CHODL: variants seen among roughly 807,000 people sequenced by gnomAD.
CHODL encodes the protein chondrolectin.
A neutral mutation model predicts 34.5 loss-of-function variants in CHODL; 29 were observed. The observed-to-expected ratio is 0.84, with a 90% CI of 0.63 to 1.15. The LOEUF (loss-of-function observed/expected upper bound fraction) is 1.15. Ranked by LOEUF, CHODL falls within the 50% of genes most tolerant of loss-of-function variation. The pLI, the probability that CHODL is intolerant of heterozygous loss-of-function variation, is 0.00. For missense variants in CHODL, 332 were observed against 332.5 expected (o/e 1.00, Z 0.01); for synonymous variants, 125 against 116.1 (o/e 1.08, Z -0.49).
At chr21:18,001,101 A>G (rs1482760486) in intron 1 of CHODL, among the ~76,000 whole-genome samples, 2 of 152,214 alleles carry the variant, frequency 1.3e-5, no homozygotes, top group Admixed American at 6.5e-5. Flanking sequence ...AACACTGGGC[A>G]TGGGCCATCC....
intron 1 of CHODL, among the ~76,000 whole-genome samples, chr21:17,937,886 C>A (rs1392708537): frequency 1.3e-5 from 2 of 151,812 alleles, no homozygotes; most frequent in African/African-American, 4.8e-5. Flanking sequence ...TGTTAAGGGC[C>A]AAGGATACAA....
chr21:18,245,376 C>T, intron 1 of CHODL, 74 bp downstream of exon 1: 1 of 1,281,406 alleles, frequency 7.8e-7, no homozygotes, highest in Non-Finnish European at 1.0e-6. Context: ...AGCCTGTTCT[C>T]GGGCGGAGGC....
At chr21:18,007,787 G>A (rs2063974399) in intron 1 of CHODL, among the ~76,000 whole-genome samples, 1 of 152,230 alleles carries the variant, frequency 6.6e-6, no homozygotes, top group South Asian at 2.1e-4. Flanking sequence ...AGCAAACATA[G>A]GACTGAACTA....
chr21:18,192,790 C>A (rs2073526256), intron 2 of CHODL, among the ~76,000 whole-genome samples: 2 of 152,102 alleles, frequency 1.3e-5, no homozygotes, highest in South Asian at 4.1e-4. Flanking sequence ...TAAATCTACT[C>A]ACTTCATCTT....
intron 2 of CHODL, among the ~76,000 whole-genome samples, chr21:18,047,383 C>G (rs1364204063): frequency 2.0e-5 from 3 of 151,858 alleles, no homozygotes; most frequent in African/African-American, 7.2e-5. Context: ...ACAGCTTTGA[C>G]CTGGGTGTCC....
intron 2 of CHODL, among the ~76,000 whole-genome samples, chr21:18,152,443 G>T (rs1392695252): frequency 6.6e-6 from 1 of 152,224 alleles, no homozygotes; most frequent in African/African-American, 2.4e-5. Flanking sequence ...AACTCAAGGA[G>T]TTAGCCAGGG....
At chr21:18,151,703 T>C (rs2072971502) in intron 2 of CHODL, among the ~76,000 whole-genome samples, 1 of 152,150 alleles carries the variant, frequency 6.6e-6, no homozygotes, top group Non-Finnish European at 1.5e-5. Flanking sequence ...ATGCTATTTC[T>C]AGGTAGATAG....
chr21:18,265,271 ATGTG>A (rs2074443213), intron 5 of CHODL, among the ~76,000 whole-genome samples: 1 of 121,744 alleles, frequency 8.2e-6, no homozygotes, highest in East Asian at 2.0e-4. Context: ...GTATATATAT[ATGTG>A]TGTGTATATA....
chr21:18,069,799 A>G (rs1449571696), intron 2 of CHODL, among the ~76,000 whole-genome samples: 2 of 152,184 alleles, frequency 1.3e-5, no homozygotes, highest in East Asian at 3.9e-4. Context: ...TTGTAAAGAC[A>G]GAGTCTTGCT....
chr21:18,257,252 C>A, intron 3 of CHODL, 125 bp downstream of exon 3: 1 of 830,910 alleles, frequency 1.2e-6, no homozygotes, highest in Non-Finnish European at 1.8e-6. Flanking sequence ...AATTACCTTG[C>A]AGTTTCTCAT....
At chr21:18,210,785 T>C (rs1352522623) in intron 2 of CHODL, among the ~76,000 whole-genome samples, 1 of 152,170 alleles carries the variant, frequency 6.6e-6, no homozygotes, top group Non-Finnish European at 1.5e-5. Context: ...CAACTTTTGC[T>C]CTTGACCCCT....
At chr21:18,158,071 G>GTTTTTT (rs34811787) in intron 2 of CHODL, among the ~76,000 whole-genome samples, 1 of 141,296 alleles carries the variant, frequency 7.1e-6, no homozygotes, top group African/African-American at 2.6e-5. Context: ...ATTCCAAAAG[G>GTTTTTT]TTTTTTTTTT....
intron 2 of CHODL, among the ~76,000 whole-genome samples, chr21:18,069,156 G>A (rs970460976): frequency 2.6e-5 from 4 of 151,884 alleles, no homozygotes; most frequent in Non-Finnish European, 2.9e-5. Flanking sequence ...ATTATCTTTC[G>A]GGGGAAACAT....
rs1246869933 is a variant in CHODL at position 18,027,687 on chromosome 21, T to C, written c.-144-185T>C. On this transcript the variant is annotated intron_variant, in intron 1 of 6. Coordinates refer to the CHODL transcript ENST00000400127. ...AGAGTGATTTCAGTTTGCTATAGAC[T>C]GAATGCTTGTATCCCTTCTCAAATT... is the stretch of plus-strand genomic sequence containing the variant. Among the ~76,000 whole-genome samples the C allele has an allele frequency of 2.0e-5, 3 of 152,312 alleles. No individual in the cohort carries two copies. In the South Asian group the frequency reaches 6.2e-4, roughly 32 times the overall value.
intron 1 of CHODL, among the ~76,000 whole-genome samples, chr21:18,023,126 A>C (rs2064142670): frequency 6.6e-6 from 1 of 152,144 alleles, no homozygotes; most frequent in African/African-American, 2.4e-5. Context: ...GAGATAACCC[A>C]CCTACTTCAC....
intron 2 of CHODL, among the ~76,000 whole-genome samples, chr21:18,213,742 A>G (rs1214204269): frequency 1.3e-5 from 2 of 152,086 alleles, no homozygotes; most frequent in Non-Finnish European, 2.9e-5. Flanking sequence ...GGAGATTTCA[A>G]TTAGGACTGT....
chr21:18,158,752 C>T (rs769703166), intron 2 of CHODL, among the ~76,000 whole-genome samples: 8 of 150,248 alleles, frequency 5.3e-5, no homozygotes, highest in Non-Finnish European at 7.4e-5. Flanking sequence ...GCAGGAAAAT[C>T]GCTTGAACCC....
intron 2 of CHODL, among the ~76,000 whole-genome samples, chr21:18,233,791 T>C (rs2074004059): frequency 6.6e-6 from 1 of 152,174 alleles, no homozygotes; most frequent in South Asian, 2.1e-4. Flanking sequence ...AAAGATTTCA[T>C]ATCTGAAATT....
At position 18,075,812 on chromosome 21, in the gene CHODL, G is replaced by A. The variant is rs76759980; in HGVS notation, c.-45+47841G>A. Among the ~76,000 whole-genome samples the A allele has an allele frequency of 2.6e-4, 40 of 152,238 alleles. 2 individuals are homozygous for A. In the East Asian group the frequency reaches 7.7e-3, roughly 29 times the overall value. On this transcript the variant is annotated intron_variant, in intron 2 of 6. Transcript: ENST00000400127. ...AAATCCTGACCTATAAGATAATGGC[G>A]TTAGGAGGTGGATATTTGAAAGGTG... is the stretch of plus-strand genomic sequence containing the variant.
Sources: allele counts gnomAD v4.1 joint callset (sites outside exome capture counted in the v4.1 genomes callset), GRCh38; gene constraint gnomAD v4.1.1; transcripts MANE v1.5; gene names NCBI Gene and HGNC (gene_info 2026-07-23, HGNC 2026-07-21).